GLIS3: variants seen among roughly 807,000 people sequenced by gnomAD.
GLIS3 encodes zinc finger protein GLIS3.
Under a neutral mutation model 78.6 loss-of-function variants are expected in GLIS3, and 53 were observed. That is an observed-to-expected ratio of 0.67 (90% CI 0.54 to 0.85). GLIS3 has a LOEUF of 0.85. Among genes scored for constraint, GLIS3 ranks in the 40% least tolerant of loss-of-function variants. GLIS3 has a pLI of 0.00. For missense variants in GLIS3, 1,703 were observed against 1,231.1 expected, an observed-to-expected ratio of 1.38 and a Z score of -5.74; for synonymous variants, 684 against 509.9, an observed-to-expected ratio of 1.34 and a Z score of -4.60.
chr9:3,874,267 T>C (rs957812266), intron 8 of GLIS3, among the ~76,000 whole-genome samples: 48 of 152,118 alleles, frequency 3.2e-4, no homozygotes, highest in African/African-American at 1.1e-3. Context: ...TGTAATGAAG[T>C]CTCCATAAAA....
At chr9:4,375,092 C>G in the GLIS3 span, among the ~76,000 whole-genome samples, 3 of 152,184 alleles carry the variant, frequency 2.0e-5, no homozygotes, top group Non-Finnish European at 4.4e-5. Flanking sequence ...AATGCAAATC[C>G]TATCTTATCC....
intron 7 of GLIS3, among the ~76,000 whole-genome samples, chr9:3,884,315 G>A (rs942635047): frequency 8.5e-5 from 13 of 152,278 alleles, no homozygotes; most frequent in Middle Eastern, 6.8e-3. Flanking sequence ...TCACCAGAGC[G>A]GAGGAAGGCT....
chr9:4,269,844 A>C (rs149931795), intron 2 of GLIS3, among the ~76,000 whole-genome samples: 2 of 152,306 alleles, frequency 1.3e-5, no homozygotes, highest in African/African-American at 4.8e-5. Context: ...GAAACAAACA[A>C]ATATCTGGTG....
intron 2 of GLIS3, among the ~76,000 whole-genome samples, chr9:4,343,337 G>A (rs1817860583): frequency 6.6e-6 from 1 of 151,992 alleles, no homozygotes; most frequent in African/African-American, 2.4e-5. Flanking sequence ...GCTAGCACCT[G>A]TCTCAACAAA....
intron 4 of GLIS3, among the ~76,000 whole-genome samples, chr9:4,073,277 C>G (rs1205811398): frequency 6.6e-6 from 1 of 152,208 alleles, no homozygotes; most frequent in Non-Finnish European, 1.5e-5. Context: ...ACACAGGATG[C>G]TCCAAGTAGT....
At chr9:4,472,844 A>C in the GLIS3 span, among the ~76,000 whole-genome samples, 19 of 152,212 alleles carry the variant, frequency 1.2e-4, no homozygotes, top group African/African-American at 3.9e-4. Flanking sequence ...TATTGATATT[A>C]AATGAACTTA....
At chr9:4,115,789 T>C (rs4141598) in intron 4 of GLIS3, among the ~76,000 whole-genome samples, 35,694 of 152,076 alleles carry the variant, frequency 0.23, 5,319 homozygotes, top group East Asian at 0.6. Flanking sequence ...CTGTTTATTA[T>C]GTGCACTATT....
intron 2 of GLIS3, among the ~76,000 whole-genome samples, chr9:4,226,781 A>G (rs758374066): frequency 1.3e-5 from 2 of 152,216 alleles, no homozygotes; most frequent in Non-Finnish European, 2.9e-5. Context: ...TATTTATCAC[A>G]TAAGAGCTGT....
chr9:4,322,455 T>C (rs767685960), intron 2 of GLIS3, among the ~76,000 whole-genome samples: 11 of 152,202 alleles, frequency 7.2e-5, no homozygotes, highest in Non-Finnish European at 1.5e-4. Flanking sequence ...TTTCTAGTTC[T>C]AGATCCTTGA....
chr9:4,446,169 C>T, the GLIS3 span, among the ~76,000 whole-genome samples: 1 of 152,070 alleles, frequency 6.6e-6, no homozygotes, highest in African/African-American at 2.4e-5. Context: ...AAATTCATGT[C>T]GAAATTCTAT....
chr9:3,854,326 C>T (rs1219893794), intron 9 of GLIS3, among the ~76,000 whole-genome samples: 1 of 152,096 alleles, frequency 6.6e-6, no homozygotes, highest in Non-Finnish European at 1.5e-5. Context: ...AATGTATAGC[C>T]AGCAGAAGGT....
At chr9:4,254,394 G>A (rs1051459224) in intron 2 of GLIS3, among the ~76,000 whole-genome samples, 10 of 152,134 alleles carry the variant, frequency 6.6e-5, no homozygotes, top group Non-Finnish European at 1.3e-4. Flanking sequence ...ACTGAATAGA[G>A]ACATATACTA....
intron 7 of GLIS3, among the ~76,000 whole-genome samples, chr9:3,890,816 T>C (rs1004162496): frequency 6.6e-6 from 1 of 152,122 alleles, no homozygotes; most frequent in Non-Finnish European, 1.5e-5. Context: ...CAAACCCTAG[T>C]AACCATCAAA....
chr9:4,289,956 C>G (rs776998653), intron 1 of GLIS3, among the ~76,000 whole-genome samples: 29 of 152,062 alleles, frequency 1.9e-4, no homozygotes, highest in Non-Finnish European at 4.3e-4. Flanking sequence ...TCTGAAAATG[C>G]GTGACTTTAA....
chr9:4,324,865 T>G (rs1817579158), intron 2 of GLIS3, among the ~76,000 whole-genome samples: 1 of 152,218 alleles, frequency 6.6e-6, no homozygotes, highest in African/African-American at 2.4e-5. Flanking sequence ...TTCTCTTACC[T>G]TGCTTTAAAA....
intron 4 of GLIS3, among the ~76,000 whole-genome samples, chr9:4,055,654 C>T (rs983849099): frequency 3.3e-5 from 5 of 152,148 alleles, no homozygotes; most frequent in African/African-American, 4.8e-5. Flanking sequence ...GCAGAGGAAA[C>T]GAGGAATGAT....
chr9:4,449,109 C>T, the GLIS3 span, among the ~76,000 whole-genome samples: 1 of 152,166 alleles, frequency 6.6e-6, no homozygotes, highest in Non-Finnish European at 1.5e-5. Context: ...TCGGGACACT[C>T]CCACCCAAAT....
At chr9:4,067,995 A>G (rs1006832496) in intron 4 of GLIS3, among the ~76,000 whole-genome samples, 27 of 152,244 alleles carry the variant, frequency 1.8e-4, no homozygotes, top group African/African-American at 6.3e-4. Context: ...CAGAATATAT[A>G]AAGTCAGAGA....
At chr9:3,881,420 C>T (rs912629667) in intron 7 of GLIS3, among the ~76,000 whole-genome samples, 1 of 152,168 alleles carries the variant, frequency 6.6e-6, no homozygotes, top group Non-Finnish European at 1.5e-5. Context: ...ATTGCCCCTG[C>T]TGTTTACAAC....
Sources: gnomAD v4.1 joint callset for allele counts (sites outside exome capture counted in the v4.1 genomes callset) on GRCh38, gnomAD v4.1.1 for gene constraint, MANE v1.5 for transcripts, NCBI Gene and HGNC (gene_info 2026-07-23, HGNC 2026-07-21) for gene names.